Variants in IRAG1 observed in about 807,000 individuals in gnomAD.
The protein encoded by IRAG1 is IP3R-associated cGMP kinase substrate.
IRAG1 carries 62 observed loss-of-function variants against 106.2 expected under a neutral mutation model. The ratio of observed to expected loss-of-function variants is 0.58; its 90% CI spans 0.48 to 0.72. IRAG1 has a LOEUF of 0.72. Ranked by LOEUF, IRAG1 falls within the 30% of genes least tolerant of loss-of-function variation. The pLI, the probability that IRAG1 is intolerant of heterozygous loss-of-function variation, is 0.00. For synonymous variants in IRAG1, 462 were observed against 443.9 expected (o/e 1.04, Z -0.51); for missense variants, 1,064 against 1,140.7 (o/e 0.93, Z 0.97).
chr11:10,637,759 T>C (rs1857244818), intron 2 of IRAG1, among the ~76,000 whole-genome samples: 1 of 151,236 alleles, frequency 6.6e-6, no homozygotes, highest in African/African-American at 2.4e-5. Flanking sequence ...AGAAGAGAAG[T>C]GGAACAATGA....
At chr11:10,620,292 C>G (rs909335612) in intron 10 of IRAG1, among the ~76,000 whole-genome samples, 2 of 151,908 alleles carry the variant, frequency 1.3e-5, no homozygotes, top group African/African-American at 4.8e-5. Context: ...TATGTAAAAT[C>G]TTTACAATTC....
chr11:10,578,735 C>T (rs1851083817), intron 20 of IRAG1, among the ~76,000 whole-genome samples: 1 of 152,194 alleles, frequency 6.6e-6, no homozygotes, highest in Admixed American at 6.5e-5. Context: ...CCTTACTTCC[C>T]CTGGGGTTTC....
intron 16 of IRAG1, 161 bp downstream of exon 16, chr11:10,593,985 G>A: frequency 1.5e-6 from 1 of 664,212 alleles, no homozygotes; most frequent in Non-Finnish European, 2.6e-6. Flanking sequence ...AGAAAGGTAA[G>A]ATGTCAGAGG....
At chr11:10,623,720 G>T in intron 10 of IRAG1, 58 bp downstream of exon 10, 1 of 1,501,572 alleles carries the variant, frequency 6.7e-7, no homozygotes, top group Non-Finnish European at 9.3e-7. Context: ...CACCTTCCTT[G>T]ATCTGGCACA....
At chr11:10,619,247 A>G (rs1855658662) in intron 10 of IRAG1, among the ~76,000 whole-genome samples, 1 of 152,242 alleles carries the variant, frequency 6.6e-6, no homozygotes, top group South Asian at 2.1e-4. Context: ...TGAGCCTCCC[A>G]GTCCTCACAA....
intron 11 of IRAG1, among the ~76,000 whole-genome samples, chr11:10,608,147 G>A (rs968724643): frequency 6.6e-6 from 1 of 151,902 alleles, no homozygotes. Flanking sequence ...ACAGGGTCTC[G>A]CTCTGCTGCC....
intron 11 of IRAG1, among the ~76,000 whole-genome samples, chr11:10,609,509 G>A (rs1038357780): frequency 1.3e-5 from 2 of 152,160 alleles, no homozygotes; most frequent in Non-Finnish European, 2.9e-5. Context: ...TTCATGAACT[G>A]TGCTCACCTA....
chr11:10,585,255 A>G (rs1267101622), intron 18 of IRAG1, among the ~76,000 whole-genome samples: 2 of 152,142 alleles, frequency 1.3e-5, no homozygotes, highest in African/African-American at 4.8e-5. Context: ...AGCCCATTTC[A>G]TCGACTCTTT....
At chr11:10,677,711 C>G (rs1423711234) in intron 1 of IRAG1, among the ~76,000 whole-genome samples, 1 of 152,202 alleles carries the variant, frequency 6.6e-6, no homozygotes, top group Non-Finnish European at 1.5e-5. Context: ...GCACCTATCA[C>G]CCCTACCTAG....
intron 2 of IRAG1, among the ~76,000 whole-genome samples, chr11:10,645,756 G>C (rs1398198627): frequency 6.6e-6 from 1 of 152,184 alleles, no homozygotes; most frequent in Non-Finnish European, 1.5e-5. Context: ...GCCTGGGTTT[G>C]AATTTAGCCT....
intron 1 of IRAG1, among the ~76,000 whole-genome samples, chr11:10,678,149 C>T (rs890115): frequency 0.69 from 104,459 of 152,154 alleles, 37,017 homozygotes; most frequent in East Asian, 0.97. Context: ...GATACAACTT[C>T]TGTTTGAACA....
chr11:10,627,757 C>T lies in IRAG1; in HGVS notation c.709G>A (p.Gly237Arg), dbSNP rs764530894. The stretch of plus-strand genomic sequence containing the variant: ...GGTGAAGAGACGTCGGCCTCATCCC[C>T]CTTCTGCTGGAGAAGGTGAACAGGA... Reference protein sequence around the residue: ...SPLPGAPPQKGDEADVSSPHP... With the variant: ...SPLPGAPPQKRDEADVSSPHP... Residue 237 changes from glycine (G) to arginine (R), a missense_variant, in exon 8 of 21, where the codon GGG becomes AGG. Coordinates refer to ENST00000423302, the MANE Select transcript of IRAG1 (RefSeq NM_130385.4). 164 of 1,613,830 alleles carry T rather than the reference C, an allele frequency of 1.0e-4. No individual in the cohort carries two copies. In the Admixed American group the frequency reaches 2.5e-3, roughly 24 times the overall value.
chr11:10,615,675 C>T (rs1013957705), intron 10 of IRAG1, among the ~76,000 whole-genome samples: 16 of 151,992 alleles, frequency 1.1e-4, no homozygotes, highest in Non-Finnish European at 1.6e-4. Flanking sequence ...AGCAAACTAT[C>T]GCAGGGACAA....
chr11:10,606,720 A>G (rs1180860035), intron 12 of IRAG1, 22 bp downstream of exon 12: 13 of 1,589,712 alleles, frequency 8.2e-6, no homozygotes, highest in Non-Finnish European at 6.0e-6. Context: ...ACTAAATTTC[A>G]TAACACACTT....
chr11:10,624,923 G>A (rs1307883157), intron 9 of IRAG1, among the ~76,000 whole-genome samples: 2 of 152,188 alleles, frequency 1.3e-5, no homozygotes, highest in African/African-American at 4.8e-5. Flanking sequence ...TCCAACTTCC[G>A]CTAGAGATCC....
chr11:10,647,325 A>G lies in IRAG1; in HGVS notation c.225+4700T>C, dbSNP rs1205815257. Among the ~76,000 whole-genome samples the G allele has an allele frequency of 6.6e-6, 1 of 152,208 alleles. No individual in the cohort carries two copies. Among genetic ancestry groups the G allele is most frequent in the Non-Finnish European group, 1.5e-5 (1 of 68,038 alleles). On this transcript the variant is annotated intron_variant, in intron 2 of 20. Coordinates refer to ENST00000423302, the MANE Select transcript of IRAG1 (RefSeq NM_130385.4). This position sits in a 1 kb window ranked among gnomAD's most constrained non-coding sequence, Gnocchi z 4.3. ...AATTTCTTTGTGCCTCAGTTTCCTCAGCTATGAAATGGGAATGATAATACC... is the reference window on the plus strand; with the variant it reads ...AATTTCTTTGTGCCTCAGTTTCCTCGGCTATGAAATGGGAATGATAATACC...
chr11:10,638,529 C>T (rs553423263), intron 2 of IRAG1, among the ~76,000 whole-genome samples: 4 of 152,276 alleles, frequency 2.6e-5, no homozygotes, highest in Admixed American at 1.3e-4. Flanking sequence ...ATAGCATGCG[C>T]GGGCTTCTTT....
intron 1 of IRAG1, chr11:10,690,337 C>T: frequency 8.0e-7 from 1 of 1,242,720 alleles, no homozygotes; most frequent in Non-Finnish European, 1.0e-6. Flanking sequence ...TGCACCACTG[C>T]ACTCCAGCCT....
rs1856530913 is a variant in IRAG1, at chr11:10,629,544, G to A, written c.568C>T (p.Pro190Ser). The change falls in exon 5 of 21, where the codon CCA becomes TCA. Residue 190 changes from proline to serine, a missense_variant. Transcript: ENST00000423302. ...GTACATCCTGCCACCCTACCTGATG[G>A]GGAGTCTCCGGGGCTGCTCCTGGAC... ...RKSRSSPGDS[P>S]SAVSPNLSPS... The A allele has an allele frequency of 6.2e-7, 1 of 1,613,074 alleles. No homozygotes were observed. Among genetic ancestry groups the A allele is most frequent in the Non-Finnish European group, 8.5e-7 (1 of 1,179,448 alleles).
Sources: allele counts gnomAD v4.1 joint callset (sites outside exome capture counted in the v4.1 genomes callset), GRCh38; gene constraint gnomAD v4.1.1; non-coding constraint Gnocchi (gnomAD v3.1); transcripts MANE v1.5; gene names NCBI Gene and HGNC (gene_info 2026-07-23, HGNC 2026-07-21).